Variants in TMC1 observed in about 807,000 individuals in gnomAD.
TMC1 encodes transmembrane channel like 1, also known as transmembrane channel-like protein 1.
A neutral mutation model predicts 105.8 loss-of-function variants in TMC1; 84 were observed. That is an observed-to-expected ratio of 0.79 (90% CI 0.67 to 0.95). TMC1 has a LOEUF of 0.95. Ranked by LOEUF, TMC1 falls within the 40% of genes least tolerant of loss-of-function variation. The pLI is 0.00. For synonymous variants in TMC1, 315 were observed against 311.5 expected, an observed-to-expected ratio of 1.01 and a Z score of -0.12; for missense variants, 817 against 914.1, an observed-to-expected ratio of 0.89 and a Z score of 1.37.
At chr9:72,608,742 A>T (rs528352734) in intron 2 of TMC1, among the ~76,000 whole-genome samples, 1 of 151,984 alleles carries the variant, frequency 6.6e-6, no homozygotes, top group Admixed American at 6.6e-5. Flanking sequence ...ATTAGGAGAC[A>T]TGCCTATAAT....
At chr9:72,732,375 C>T (rs188816517) in intron 8 of TMC1, among the ~76,000 whole-genome samples, 2 of 152,132 alleles carry the variant, frequency 1.3e-5, no homozygotes, top group African/African-American at 4.8e-5. Flanking sequence ...ACAGCCTGGC[C>T]AAAAGGGTGA....
At chr9:72,535,050 GAGAGA>G (rs1239115153) in intron 1 of TMC1, among the ~76,000 whole-genome samples, 3 of 116,388 alleles carry the variant, frequency 2.6e-5, no homozygotes, top group Non-Finnish European at 6.1e-5. Flanking sequence ...CTCTTAGAGA[GAGAGA>G]AAAAAAAAAA....
chr9:72,587,742 C>A (rs765965002), intron 2 of TMC1, among the ~76,000 whole-genome samples: 7 of 151,990 alleles, frequency 4.6e-5, no homozygotes, highest in Admixed American at 6.6e-5. Flanking sequence ...TATGACCATG[C>A]CTGAATTCAG....
intron 5 of TMC1, among the ~76,000 whole-genome samples, chr9:72,685,097 A>ATTTTTTTTTTTT (rs1771194393): frequency 8.0e-6 from 1 of 125,754 alleles, no homozygotes; most frequent in African/African-American, 3.4e-5. Context: ...TTATAAAGTC[A>ATTTTTTTTTTTT]TTCTTTTTTT....
chr9:72,758,158 C>T (rs1827701143), intron 12 of TMC1, among the ~76,000 whole-genome samples: 1 of 151,938 alleles, frequency 6.6e-6, no homozygotes, highest in Admixed American at 6.6e-5. Context: ...AAAGATTTGT[C>T]TTTTGTTTTG....
intron 2 of TMC1, chr9:72,607,707 G>T (rs1824948330): frequency 6.6e-6 from 1 of 152,020 alleles, no homozygotes; most frequent in East Asian, 1.9e-4. Context: ...AGCACTTTGG[G>T]AGGCTGAGGT....
At chr9:72,826,727 G>A in intron 20 of TMC1, 142 bp from the exon 21 acceptor site, 1 of 840,226 alleles carries the variant, frequency 1.2e-6, no homozygotes, top group Non-Finnish European at 2.0e-6. Context: ...CAAAGTGTCA[G>A]CAAGTTGTAG....
At chr9:72,610,682 A>G (rs1278792948) in intron 2 of TMC1, among the ~76,000 whole-genome samples, 1 of 152,182 alleles carries the variant, frequency 6.6e-6, no homozygotes, top group Non-Finnish European at 1.5e-5. Flanking sequence ...TCACAGACAC[A>G]CCTAGAATAA....
chr9:72,613,783 GTGGC>G (rs1444789030), intron 2 of TMC1, among the ~76,000 whole-genome samples: 3 of 152,020 alleles, frequency 2.0e-5, no homozygotes, highest in Non-Finnish European at 2.9e-5. Context: ...TGTAACTGAT[GTGGC>G]TAGACAGGAT....
chr9:72,787,772 TTTTA>T (rs1303372289), intron 13 of TMC1, among the ~76,000 whole-genome samples: 1 of 152,092 alleles, frequency 6.6e-6, no homozygotes, highest in Non-Finnish European at 1.5e-5. Context: ...AAATGTTGAT[TTTTA>T]TTCAAGAATT....
At chr9:72,768,031 CTG>C (rs1425460486) in intron 12 of TMC1, among the ~76,000 whole-genome samples, 4 of 152,170 alleles carry the variant, frequency 2.6e-5, no homozygotes, top group Non-Finnish European at 5.9e-5. Flanking sequence ...CCTTTAAAAA[CTG>C]TGTTCTTCTA....
intron 5 of TMC1, among the ~76,000 whole-genome samples, chr9:72,685,555 G>A (rs748251402): frequency 6.6e-6 from 1 of 151,828 alleles, no homozygotes; most frequent in Admixed American, 6.6e-5. Flanking sequence ...GTAGAGGCGG[G>A]GTTTCACCTT....
At chr9:72,598,524 C>A (rs866843527) in intron 2 of TMC1, among the ~76,000 whole-genome samples, 1 of 151,060 alleles carries the variant, frequency 6.6e-6, no homozygotes, top group Non-Finnish European at 1.5e-5. Flanking sequence ...TACTGATAAT[C>A]TTTTTCTGCC....
chr9:72,685,100 C>CTTTTTTTTTTTTTTTTTTT (rs71359515), intron 5 of TMC1, among the ~76,000 whole-genome samples: 5 of 91,064 alleles, frequency 5.5e-5, no homozygotes, highest in African/African-American at 2.4e-4. Flanking sequence ...TAAAGTCATT[C>CTTTTTTTTTTTTTTTTTTT]TTTTTTTTTT....
intron 1 of TMC1, among the ~76,000 whole-genome samples, chr9:72,529,447 C>G (rs528559924): frequency 1.3e-5 from 2 of 152,008 alleles, no homozygotes; most frequent in African/African-American, 4.8e-5. Flanking sequence ...TAGACCCTGT[C>G]TCTAAAAAAG....
chr9:72,664,115 C>G (rs533284748), intron 5 of TMC1, among the ~76,000 whole-genome samples: 70 of 152,260 alleles, frequency 4.6e-4, no homozygotes, highest in African/African-American at 1.6e-3. Context: ...TCCTTTTTTA[C>G]AAGTAGAAGG....
chr9:72,747,357 A>G (rs1202484058), intron 10 of TMC1, among the ~76,000 whole-genome samples: 1 of 152,190 alleles, frequency 6.6e-6, no homozygotes, highest in Non-Finnish European at 1.5e-5. Flanking sequence ...GTCTTTTCCC[A>G]TTTAGAAATA....
At chr9:72,715,229 A>AT (rs1490774750) in intron 8 of TMC1, among the ~76,000 whole-genome samples, 3 of 152,152 alleles carry the variant, frequency 2.0e-5, no homozygotes, top group East Asian at 3.9e-4. Context: ...AAATCTGATG[A>AT]TTACATGTAT....
chr9:72,792,449 G>A, intron 17 of TMC1, 97 bp downstream of exon 17: 7 of 1,423,628 alleles, frequency 4.9e-6, no homozygotes, highest in Non-Finnish European at 6.9e-6. Flanking sequence ...TTGCTTATTA[G>A]TAAAAATAGC....
Sources: allele counts gnomAD v4.1 joint callset (sites outside exome capture counted in the v4.1 genomes callset), GRCh38; gene constraint gnomAD v4.1.1; transcripts MANE v1.5; gene names NCBI Gene and HGNC (gene_info 2026-07-23, HGNC 2026-07-21).